The following RARB variants were observed in gnomAD, a reference collection of about 807,000 sequenced individuals.
RARB encodes the protein retinoic acid receptor beta.
RARB carries 17 observed loss-of-function variants against 51.9 expected under a neutral mutation model. The ratio of observed to expected loss-of-function variants is 0.33; its 90% CI spans 0.22 to 0.49. RARB has a LOEUF of 0.49. RARB is among the 20% of genes least tolerant of loss of function. The pLI, the probability that RARB is intolerant of heterozygous loss-of-function variation, is 0.99. For synonymous variants in RARB, 215 were observed against 195.4 expected, an observed-to-expected ratio of 1.10 and a Z score of -0.84; for missense variants, 369 against 550.8, an observed-to-expected ratio of 0.67 and a Z score of 3.30.
chr3:25,172,747 C>T (rs1353479611), intron 4 of RARB, among the ~76,000 whole-genome samples: 2 of 152,154 alleles, frequency 1.3e-5, no homozygotes, highest in African/African-American at 2.4e-5. Flanking sequence ...GATGTGATAA[C>T]AAATATGTTA....
intron 2 of RARB, among the ~76,000 whole-genome samples, chr3:24,972,357 A>G (rs930869222): frequency 5.3e-5 from 8 of 151,958 alleles, no homozygotes; most frequent in Admixed American, 2.0e-4. Context: ...CATTGTGTGT[A>G]TATACTGTAC....
chr3:25,018,627 A>G (rs936704513), intron 2 of RARB, among the ~76,000 whole-genome samples: 1 of 152,200 alleles, frequency 6.6e-6, no homozygotes, highest in African/African-American at 2.4e-5. Context: ...GGTCACAGTC[A>G]TTTGAAATGT....
chr3:25,020,339 A>G (rs1026553182), intron 2 of RARB: 1 of 151,848 alleles, frequency 6.6e-6, no homozygotes, highest in Non-Finnish European at 1.5e-5. Flanking sequence ...CCATACTGAT[A>G]CCAAACTTAG....
chr3:25,265,672 T>G (rs1703109477), intron 5 of RARB, among the ~76,000 whole-genome samples: 1 of 152,096 alleles, frequency 6.6e-6, no homozygotes, highest in African/African-American at 2.4e-5. Flanking sequence ...GGGTTTCTCC[T>G]TGTTGCCCAG....
At chr3:25,338,208 A>G (rs1329856485) in intron 5 of RARB, among the ~76,000 whole-genome samples, 3 of 152,088 alleles carry the variant, frequency 2.0e-5, no homozygotes, top group Non-Finnish European at 4.4e-5. Flanking sequence ...TTAGACCATA[A>G]AAGCCCTAAT....
chr3:25,074,214 G>T (rs911277223), intron 3 of RARB, among the ~76,000 whole-genome samples: 2 of 152,164 alleles, frequency 1.3e-5, no homozygotes. Flanking sequence ...CCCCATAAGG[G>T]TTTTTCTGAC....
At chr3:25,362,089 T>G (rs1409731544) in intron 5 of RARB, among the ~76,000 whole-genome samples, 2 of 152,144 alleles carry the variant, frequency 1.3e-5, no homozygotes, top group African/African-American at 2.4e-5. Context: ...CAGCCGCCCC[T>G]TCCTCTAGGT....
At chr3:25,427,213 C>T (rs970850719), upstream of RARB, among the ~76,000 whole-genome samples, 3 of 152,116 alleles carry the variant, frequency 2.0e-5, no homozygotes, top group African/African-American at 7.2e-5. Flanking sequence ...AGCTGTGTGA[C>T]CTTGGGTAGG....
At chr3:25,532,216 A>G (rs1370933210) in intron 3 of RARB, among the ~76,000 whole-genome samples, 3 of 152,228 alleles carry the variant, frequency 2.0e-5, no homozygotes, top group Admixed American at 6.5e-5. Context: ...ATGGTGTGCT[A>G]TGAATTAGTA....
intron 2 of RARB, among the ~76,000 whole-genome samples, chr3:24,968,595 TCTCA>T (rs1477650534): frequency 1.3e-5 from 2 of 152,216 alleles, no homozygotes; most frequent in African/African-American, 4.8e-5. Flanking sequence ...TCCCTTATGG[TCTCA>T]CTCACATATC....
intron 2 of RARB, among the ~76,000 whole-genome samples, chr3:25,051,198 A>C (rs1698325714): frequency 6.6e-6 from 1 of 152,220 alleles, no homozygotes; most frequent in Non-Finnish European, 1.5e-5. Flanking sequence ...GTTGAGATAA[A>C]GCAGAGTTTA....
At chr3:25,432,571 G>A (rs368191990) in intron 1 of RARB, among the ~76,000 whole-genome samples, 1 of 152,058 alleles carries the variant, frequency 6.6e-6, no homozygotes. Context: ...ATATACAACC[G>A]AGGGTATTGT....
intron 1 of RARB, among the ~76,000 whole-genome samples, chr3:24,838,689 T>C (rs534594261): frequency 5.3e-5 from 8 of 152,266 alleles, no homozygotes; most frequent in South Asian, 4.1e-4. Context: ...AAACAAAGAA[T>C]ACTTCATGTA....
intron 2 of RARB, among the ~76,000 whole-genome samples, chr3:25,045,686 G>T (rs937076235): frequency 6.6e-6 from 1 of 152,170 alleles, no homozygotes; most frequent in African/African-American, 2.4e-5. Flanking sequence ...TAAGCTATGA[G>T]TCTGTGGAAT....
intron 3 of RARB, among the ~76,000 whole-genome samples, chr3:25,536,476 C>G (rs1166909058): frequency 1.3e-5 from 2 of 152,082 alleles, no homozygotes; most frequent in Non-Finnish European, 2.9e-5. Context: ...TAAAAACCCA[C>G]CATGGGGGAA....
chr3:24,851,997 T>C (rs1575035930), intron 1 of RARB, among the ~76,000 whole-genome samples: 1 of 152,238 alleles, frequency 6.6e-6, no homozygotes, highest in Non-Finnish European at 1.5e-5. Context: ...GTCTTGACTT[T>C]TGCATAAATA....
intron 5 of RARB, among the ~76,000 whole-genome samples, chr3:25,280,211 A>G (rs937625771): frequency 6.6e-6 from 1 of 152,198 alleles, no homozygotes; most frequent in African/African-American, 2.4e-5. Flanking sequence ...TCTAATGCTA[A>G]TAAACTGGGG....
intron 3 of RARB, among the ~76,000 whole-genome samples, chr3:25,086,570 A>C (rs4858702): frequency 0.87 from 132,560 of 152,130 alleles, 57,948 homozygotes; most frequent in African/African-American, 0.93. Flanking sequence ...AGATTCTGAG[A>C]ACATGTGTCC....
At chr3:24,829,849 C>T (rs776331098) in intron 1 of RARB, among the ~76,000 whole-genome samples, 1 of 152,244 alleles carries the variant, frequency 6.6e-6, no homozygotes, top group Non-Finnish European at 1.5e-5. Flanking sequence ...GTCCTGCGCA[C>T]CTTAGGGCTG....
Sources: allele counts gnomAD v4.1 joint callset (sites outside exome capture counted in the v4.1 genomes callset), GRCh38; gene constraint gnomAD v4.1.1; transcripts MANE v1.5; gene names NCBI Gene and HGNC (gene_info 2026-07-23, HGNC 2026-07-21).